The following NR3C2 variants were observed in gnomAD, a reference collection of about 807,000 sequenced individuals.
The protein encoded by NR3C2 is nuclear receptor subfamily 3 group C member 2, also known as mineralocorticoid receptor.
NR3C2 carries 15 observed loss-of-function variants against 86.4 expected under a neutral mutation model. The observed-to-expected ratio is 0.17, with a 90% CI of 0.12 to 0.27. The LOEUF is 0.27. NR3C2 is among the 10% of genes least tolerant of loss of function. The pLI is 1.00. For synonymous variants in NR3C2, 458 were observed against 450.5 expected (o/e 1.02, Z -0.21); for missense variants, 960 against 1,195.6 (o/e 0.80, Z 2.91).
chr4:148,180,571 A>G (rs1735599553), intron 4 of NR3C2, among the ~76,000 whole-genome samples: 1 of 152,176 alleles, frequency 6.6e-6, no homozygotes, highest in Admixed American at 6.5e-5. Context: ...TAAACTAGAA[A>G]GGAGATAAGA....
At chr4:148,342,744 A>G (rs984179280) in intron 2 of NR3C2, among the ~76,000 whole-genome samples, 11 of 152,032 alleles carry the variant, frequency 7.2e-5, no homozygotes, top group African/African-American at 2.4e-4. Flanking sequence ...GAACTGTGAA[A>G]ATTTTTTATC....
intron 3 of NR3C2, among the ~76,000 whole-genome samples, chr4:148,233,158 C>A (rs1413607082): frequency 6.6e-6 from 1 of 152,176 alleles, no homozygotes; most frequent in African/African-American, 2.4e-5. Context: ...CACTGAATAG[C>A]ACTTTTAATT....
chr4:148,232,945 C>T (rs1738540178), intron 3 of NR3C2, among the ~76,000 whole-genome samples: 1 of 152,214 alleles, frequency 6.6e-6, no homozygotes, highest in South Asian at 2.1e-4. Flanking sequence ...CTCTTTTAGC[C>T]TTCACAGAAT....
intron 8 of NR3C2, among the ~76,000 whole-genome samples, chr4:148,089,658 T>C (rs1730974813): frequency 6.6e-6 from 1 of 152,200 alleles, no homozygotes; most frequent in Non-Finnish European, 1.5e-5. Flanking sequence ...GAGAACCTTT[T>C]TTTTTGCCTT....
intron 2 of NR3C2, among the ~76,000 whole-genome samples, chr4:148,379,519 T>C (rs1160234763): frequency 6.6e-6 from 1 of 152,182 alleles, no homozygotes; most frequent in Non-Finnish European, 1.5e-5. Flanking sequence ...AGCACCAACA[T>C]GGAACCAGGA....
intron 8 of NR3C2, among the ~76,000 whole-genome samples, chr4:148,104,011 T>A (rs909554245): frequency 6.6e-6 from 1 of 152,252 alleles, no homozygotes; most frequent in Non-Finnish European, 1.5e-5. Flanking sequence ...AATATAAAGA[T>A]GCTTTATATG....
At chr4:148,323,681 G>C (rs903264772) in intron 2 of NR3C2, among the ~76,000 whole-genome samples, 1 of 152,108 alleles carries the variant, frequency 6.6e-6, no homozygotes, top group African/African-American at 2.4e-5. Context: ...ACTCGGAAAG[G>C]GAACTCCCTG....
At chr4:148,150,796 T>C (rs986650404) in intron 6 of NR3C2, among the ~76,000 whole-genome samples, 30 of 152,314 alleles carry the variant, frequency 2.0e-4, no homozygotes, top group African/African-American at 7.2e-4. Flanking sequence ...TAATGAGGAC[T>C]GACTTGATAT....
At chr4:148,175,986 C>A (rs766012333) in intron 4 of NR3C2, among the ~76,000 whole-genome samples, 1 of 152,170 alleles carries the variant, frequency 6.6e-6, no homozygotes, top group Admixed American at 6.6e-5. Flanking sequence ...CTAAAATAAA[C>A]TAAAAATAAA....
intron 3 of NR3C2, among the ~76,000 whole-genome samples, chr4:148,209,116 C>T (rs1737152824): frequency 6.6e-6 from 1 of 151,948 alleles, no homozygotes; most frequent in Admixed American, 6.6e-5. Flanking sequence ...TGGTGGCATG[C>T]ACCTGCAATC....
intron 3 of NR3C2, among the ~76,000 whole-genome samples, chr4:148,201,420 G>C (rs28672384): frequency 6.6e-6 from 1 of 152,066 alleles, no homozygotes; most frequent in South Asian, 2.1e-4. Context: ...TTTTAGTTTC[G>C]GTGTTTTTAT....
In NR3C2 at chr4:148,435,256, T is replaced by C. The variant is rs1045375358; in HGVS notation, c.1605A>G (p.Leu535=). The change falls in exon 2 of 9, where the codon TTA becomes TTG. Residue 535 remains leucine (L), a synonymous_variant. Coordinates refer to ENST00000358102, the MANE Select transcript of NR3C2 (RefSeq NM_000901.5). The part of the protein sequence containing the change: ...YRIGAQGTIS[L]SRSARDQSFQ... ...AAGATTGGTCTCTAGCCGATCGTGA[T>C]AAAGATATTGTACCTTGAGCACCAA... 42 of 1,614,192 alleles carry C rather than the reference T, an allele frequency of 2.6e-5. No homozygotes were observed. Among genetic ancestry groups the C allele is most frequent in the Non-Finnish European group, 3.5e-5 (41 of 1,180,050 alleles).
intron 3 of NR3C2, among the ~76,000 whole-genome samples, chr4:148,241,284 A>T (rs1739021797): frequency 7.2e-6 from 1 of 139,218 alleles, no homozygotes; most frequent in East Asian, 2.3e-4. Context: ...CCAGCCTGGA[A>T]GACAGAGCAA....
intron 8 of NR3C2, among the ~76,000 whole-genome samples, chr4:148,108,398 C>G (rs934910969): frequency 6.6e-6 from 1 of 152,154 alleles, no homozygotes; most frequent in African/African-American, 2.4e-5. Context: ...CCACTGCACC[C>G]AGCCATGTCA....
At position 148,114,216 on chromosome 4, in the gene NR3C2, C is replaced by T; in HGVS notation, c.2687G>A (p.Arg896Lys). The change falls in exon 8 of 9, where the codon AGG (arginine) becomes AAG (lysine). Residue 896 changes from arginine (R) to lysine (K), a missense_variant. Around this residue, in one of 4 missense-constraint regions of NR3C2, gnomAD observed 151 missense variants for 296.3 expected, o/e 0.51. Coordinates refer to ENST00000358102, the MANE Select transcript of NR3C2 (RefSeq NM_000901.5). ...LKSQAAFEEM[R>K]TNYIKELRKM... ...CCTCAGTTCTTTGATGTAATTTGTC[C>T]TCATTTCTTCAAATGCAGCCTGGCT... 1 of 1,613,918 alleles carries T rather than the reference C, an allele frequency of 6.2e-7. No individual in the cohort carries two copies. The highest frequency in any genetic ancestry group is 8.5e-7 in the Non-Finnish European group (1 of 1,179,934).
At chr4:148,152,765 G>A in intron 5 of NR3C2, 152 bp from the exon 6 acceptor site, 10 of 735,250 alleles carry the variant, frequency 1.4e-5, no homozygotes, top group Non-Finnish European at 1.9e-5. Flanking sequence ...TTTACAGAGT[G>A]CCCACCACTG....
intron 2 of NR3C2, among the ~76,000 whole-genome samples, chr4:148,348,267 T>C (rs567955624): frequency 6.6e-6 from 1 of 152,260 alleles, no homozygotes; most frequent in Non-Finnish European, 1.5e-5. Context: ...GCCACAAACA[T>C]GATGTTACAA....
intron 8 of NR3C2, among the ~76,000 whole-genome samples, chr4:148,106,883 G>A (rs772232161): frequency 3.3e-5 from 5 of 152,098 alleles, no homozygotes; most frequent in East Asian, 1.9e-4. Context: ...AGACTTAAAC[G>A]TAAAACCTAA....
intron 5 of NR3C2, among the ~76,000 whole-genome samples, chr4:148,152,835 T>C (rs1359937235): frequency 6.6e-6 from 1 of 152,202 alleles, no homozygotes. Flanking sequence ...GAGGGTAAAC[T>C]GCCAGGGCAA....
Sources: allele counts gnomAD v4.1 joint callset (sites outside exome capture counted in the v4.1 genomes callset), GRCh38; gene constraint gnomAD v4.1.1; regional missense constraint gnomAD v4.1.1; transcripts MANE v1.5; gene names NCBI Gene and HGNC (gene_info 2026-07-23, HGNC 2026-07-21).